The following PDE1C variants were observed in gnomAD, a reference collection of about 807,000 sequenced individuals.
PDE1C encodes phosphodiesterase 1C.
PDE1C carries 62 observed loss-of-function variants against 93.1 expected under a neutral mutation model. The ratio of observed to expected loss-of-function variants is 0.67; its 90% confidence interval spans 0.54 to 0.82. The LOEUF (loss-of-function observed/expected upper bound fraction) is 0.82, where lower values mean the gene tolerates loss of function less well. PDE1C is among the 40% of genes least tolerant of loss of function. PDE1C has a pLI of 0.00. For missense variants in PDE1C, 742 were observed against 884.6 expected (o/e 0.84, Z 2.04); for synonymous variants, 325 against 310.1 (o/e 1.05, Z -0.50).
In PDE1C at chr7:31,865,985, GATTA is replaced by G. The variant is rs200176103; in HGVS notation, c.610-907_610-904del. On this transcript the variant is annotated intron_variant, in intron 6 of 17. Transcript: ENST00000396191. ...CAGTCACTCAGAATATTTCCAATTA[GATTA>G]ATTGTTTTGTCGTCTGAAATATGTA... Among the ~76,000 whole-genome samples the G allele has an allele frequency of 5.8e-3, 882 of 152,192 alleles. 5 individuals are homozygous for G. The highest frequency in any genetic ancestry group is 0.02 in the African/African-American group (842 of 41,510).
At chr7:32,168,238 C>T (rs931163267) in intron 3 of PDE1C, among the ~76,000 whole-genome samples, 2 of 152,208 alleles carry the variant, frequency 1.3e-5, no homozygotes, top group Admixed American at 6.5e-5. Flanking sequence ...CAATTTATAA[C>T]TTAATCTCTT....
At chr7:31,670,724 C>A in the PDE1C span, among the ~76,000 whole-genome samples, 1 of 152,148 alleles carries the variant, frequency 6.6e-6, no homozygotes, top group Non-Finnish European at 1.5e-5. Flanking sequence ...GTCCCCACCC[C>A]TCAAGCCTGG....
intron 7 of PDE1C, among the ~76,000 whole-genome samples, chr7:31,853,107 C>T (rs1008538033): frequency 6.6e-6 from 1 of 152,116 alleles, no homozygotes; most frequent in Non-Finnish European, 1.5e-5. Context: ...TCTCACATTA[C>T]AACCATAGTG....
At chr7:31,651,936 C>T in the PDE1C span, 6 of 1,581,992 alleles carry the variant, frequency 3.8e-6, no homozygotes, top group Non-Finnish European at 4.3e-6. Context: ...TATTTACTTG[C>T]AGGGAGGAGG....
chr7:32,079,246 T>C (rs1470449237), intron 3 of PDE1C, among the ~76,000 whole-genome samples: 1 of 141,814 alleles, frequency 7.1e-6, no homozygotes, highest in Non-Finnish European at 1.6e-5. Flanking sequence ...TATACAATGG[T>C]CAATTAAAAT....
intron 2 of PDE1C, among the ~76,000 whole-genome samples, chr7:32,039,053 T>C (rs1349094566): frequency 6.6e-6 from 1 of 152,116 alleles, no homozygotes; most frequent in Non-Finnish European, 1.5e-5. Context: ...AGCACCACCA[T>C]CATCATCCTC....
intron 2 of PDE1C, among the ~76,000 whole-genome samples, chr7:31,990,804 T>C (rs981897395): frequency 6.6e-6 from 1 of 152,182 alleles, no homozygotes; most frequent in East Asian, 1.9e-4. Flanking sequence ...GAGATTCACA[T>C]AGAGCAGCAA....
intron 9 of PDE1C, among the ~76,000 whole-genome samples, chr7:31,842,075 T>C (rs1376450392): frequency 6.6e-6 from 1 of 152,108 alleles, no homozygotes; most frequent in East Asian, 1.9e-4. Flanking sequence ...AAAAACACCC[T>C]CACAGAAACA....
chr7:32,366,068 T>C (rs1366330646), intron 1 of PDE1C, among the ~76,000 whole-genome samples: 1 of 151,814 alleles, frequency 6.6e-6, no homozygotes, highest in Non-Finnish European at 1.5e-5. Flanking sequence ...AACTCTCCAA[T>C]AACAGACCCC....
chr7:32,190,483 G>A (rs886115502), intron 2 of PDE1C, among the ~76,000 whole-genome samples: 1 of 152,168 alleles, frequency 6.6e-6, no homozygotes, highest in Non-Finnish European at 1.5e-5. Flanking sequence ...AGGCATCACA[G>A]GAACTTATGA....
chr7:31,836,258 T>C (rs1791086237), intron 11 of PDE1C, among the ~76,000 whole-genome samples: 1 of 152,248 alleles, frequency 6.6e-6, no homozygotes, highest in Admixed American at 6.5e-5. Flanking sequence ...GCTATGCATT[T>C]ATTTCCCTAT....
At chr7:32,205,851 T>A (rs1486277506) in intron 2 of PDE1C, among the ~76,000 whole-genome samples, 1 of 151,842 alleles carries the variant, frequency 6.6e-6, no homozygotes, top group African/African-American at 2.4e-5. Context: ...ACCCCTGGAG[T>A]CATTAAGATC....
chr7:31,931,800 A>G (rs1804319732), intron 2 of PDE1C, among the ~76,000 whole-genome samples: 1 of 152,242 alleles, frequency 6.6e-6, no homozygotes, highest in Non-Finnish European at 1.5e-5. Context: ...AAGGAAAATG[A>G]ACAAACCTGA....
At chr7:31,927,600 A>C (rs2128972235) in intron 2 of PDE1C, among the ~76,000 whole-genome samples, 1 of 152,334 alleles carries the variant, frequency 6.6e-6, no homozygotes, top group South Asian at 2.1e-4. Flanking sequence ...CAGAGGAAGA[A>C]GCAGGCAGCA....
chr7:32,127,584 T>C (rs1799657773), intron 3 of PDE1C, among the ~76,000 whole-genome samples: 1 of 151,960 alleles, frequency 6.6e-6, no homozygotes, highest in East Asian at 1.9e-4. Context: ...GAAAAGAAAG[T>C]AACAAATTAT....
At chr7:32,072,281 C>A (rs73098670), upstream of PDE1C, among the ~76,000 whole-genome samples, 10,891 of 152,274 alleles carry the variant, frequency 0.072, 430 homozygotes, top group African/African-American at 0.084. Context: ...TACCTACTCA[C>A]CTGCCAGGTA....
chr7:31,862,679 C>T (rs1794818716), intron 7 of PDE1C, among the ~76,000 whole-genome samples: 1 of 152,258 alleles, frequency 6.6e-6, no homozygotes, highest in African/African-American at 2.4e-5. Context: ...CTCCCCTAGG[C>T]CCCACTACCT....
At chr7:32,354,989 G>A (rs1302275780) in intron 1 of PDE1C, among the ~76,000 whole-genome samples, 1 of 152,200 alleles carries the variant, frequency 6.6e-6, no homozygotes, top group African/African-American at 2.4e-5. Context: ...ACTTCGTCTT[G>A]TTTCAGAGCT....
intron 1 of PDE1C, among the ~76,000 whole-genome samples, chr7:32,222,595 TG>T (rs1297676525): frequency 1.3e-5 from 2 of 152,154 alleles, no homozygotes; most frequent in African/African-American, 2.4e-5. Context: ...GGGGACAATT[TG>T]GGGGTTACAA....
Sources: allele counts gnomAD v4.1 joint callset (sites outside exome capture counted in the v4.1 genomes callset), GRCh38; gene constraint gnomAD v4.1.1; transcripts MANE v1.5; gene names NCBI Gene and HGNC (gene_info 2026-07-23, HGNC 2026-07-21).